Variants in SDF4 observed in about 807,000 individuals in gnomAD.
The protein encoded by SDF4 is stromal cell derived factor 4, also known as 45 kDa calcium-binding protein.
A neutral mutation model predicts 34.2 loss-of-function variants in SDF4; 22 were observed. The observed-to-expected ratio is 0.64, with a 90% CI of 0.46 to 0.92. The LOEUF (loss-of-function observed/expected upper bound fraction) is 0.92, where lower values mean the gene tolerates loss of function less well. Ranked by LOEUF, SDF4 falls within the 40% of genes least tolerant of loss-of-function variation. The pLI, the probability that SDF4 is intolerant of heterozygous loss-of-function variation, is 0.00. For missense variants in SDF4, 447 were observed against 499.9 expected (o/e 0.89, Z 1.01); for synonymous variants, 236 against 203.1 (o/e 1.16, Z -1.38).
At position 1,217,255 on chromosome 1, in the gene SDF4, A is replaced by G. The variant is rs1570472128; in HGVS notation, c.*257T>C. On this transcript the variant is annotated 3_prime_UTR_variant, in exon 7 of 7. Coordinates refer to ENST00000360001, the MANE Select transcript of SDF4 (RefSeq NM_016176.6). The surrounding 1 kb of genome is among the most constrained non-coding windows in gnomAD (Gnocchi z 8.5). ...TCGTTCTCAGAAGTGAGATGCCACG[A>G]TTTCGAGGGACCAGGGAGGAGGCGG... is the stretch of plus-strand genomic sequence containing the variant. The G allele has an allele frequency of 6.5e-5, 12 of 185,026 alleles. No homozygotes were observed. The East Asian group carries it at 1.6e-3, about 24-fold the overall frequency. The allele number at this position is 185,026 out of a possible 1,614,324, so 11.5% of individuals were successfully genotyped here.
intron 2 of SDF4, among the ~76,000 whole-genome samples, chr1:1,226,451 TA>T (rs1448097674): frequency 1.3e-5 from 2 of 152,076 alleles, no homozygotes; most frequent in Admixed American, 1.3e-4. Flanking sequence ...AGGGACAGCC[TA>T]AAACCTCCTA....
chr1:1,219,040 G>A (rs1206228052), intron 4 of SDF4, 113 bp from the exon 5 acceptor site: 1 of 1,601,810 alleles, frequency 6.2e-7, no homozygotes, highest in African/African-American at 1.3e-5. Context: ...CGCGAGACCG[G>A]GGCCCCACCC....
chr1:1,229,078 C>G, intron 1 of SDF4, 132 bp from the exon 2 acceptor site: 1 of 399,508 alleles, frequency 2.5e-6, no homozygotes, highest in Non-Finnish European at 4.4e-6. Context: ...CCAGACCACA[C>G]GTGGCACTGC....
intron 4 of SDF4, among the ~76,000 whole-genome samples, chr1:1,222,384 C>G (rs1470193653): frequency 6.6e-6 from 1 of 152,128 alleles, no homozygotes; most frequent in Non-Finnish European, 1.5e-5. Flanking sequence ...GGGCCCCACC[C>G]GGCCCCACCC....
chr1:1,227,553 T>G (rs1356403849), intron 2 of SDF4, among the ~76,000 whole-genome samples: 1 of 152,130 alleles, frequency 6.6e-6, no homozygotes, highest in Non-Finnish European at 1.5e-5. Context: ...GCCCAGGGTG[T>G]TCTCTCACCT....
chr1:1,217,410 C>T lies in SDF4; in HGVS notation c.*102G>A, dbSNP rs1441985242. The T allele has an allele frequency of 1.2e-5, 13 of 1,051,426 alleles. No homozygotes were observed. Among genetic ancestry groups the T allele is most frequent in the Non-Finnish European group, 1.4e-5 (11 of 814,512 alleles). 65.1% of individuals were successfully genotyped at this position (1,051,426 alleles called of 1,614,324 possible). ...CCGCGGTCGGTCGGCCGGTGGCGGG[C>T]GGCAGGGAAGAGGTGGGGTCCGGGA... is the stretch of plus-strand genomic sequence containing the variant. On this transcript the variant is annotated 3_prime_UTR_variant, in exon 7 of 7. Coordinates refer to ENST00000360001, the MANE Select transcript of SDF4 (RefSeq NM_016176.6). This position sits in a 1 kb window ranked among gnomAD's most constrained non-coding sequence, Gnocchi z 8.5.
In SDF4 at chr1:1,228,502, G is replaced by A. The variant is rs1042907231; in HGVS notation, c.271C>T (p.Arg91Trp). ...GGFDEDAEPR[R>W]SRRKLMVIFS... ...ATGACCATCAGCTTCCTCCGGCTCC[G>A]CCGCGGCTCCGCGTCCTCATCAAAG... Residue 91 changes from arginine to tryptophan, a missense_variant, in exon 2 of 7, where the codon CGG becomes TGG. Transcript: ENST00000360001. 12 of 1,608,966 alleles carry A rather than the reference G, an allele frequency of 7.5e-6. No individual in the cohort carries two copies. Among genetic ancestry groups the A allele is most frequent in the South Asian group, 1.1e-5 (1 of 90,988 alleles).
At chr1:1,220,417 G>A in intron 4 of SDF4, 2 of 1,176,688 alleles carry the variant, frequency 1.7e-6, no homozygotes, top group Non-Finnish European at 2.1e-6. Context: ...GACCCTCGCA[G>A]GAGCCATGCA....
chr1:1,220,416 A>G (rs1649870072), intron 4 of SDF4: 1 of 1,176,650 alleles, frequency 8.5e-7, no homozygotes, highest in Non-Finnish European at 1.1e-6. Flanking sequence ...TGACCCTCGC[A>G]GGAGCCATGC....
intron 2 of SDF4, among the ~76,000 whole-genome samples, chr1:1,225,605 C>T (rs897623653): frequency 9.2e-5 from 14 of 152,190 alleles, no homozygotes; most frequent in African/African-American, 3.1e-4. Flanking sequence ...GACGGGGCCA[C>T]CCGGGTGGCC....
intron 4 of SDF4, chr1:1,219,203 A>AAC (rs1649745419): frequency 8.4e-7 from 1 of 1,185,578 alleles, no homozygotes. Flanking sequence ...GACAGCCTGG[A>AAC]CCCCCCCCTG....
chr1:1,228,586 C>G lies in SDF4; in HGVS notation c.187G>C (p.Asp63His). 1 of 1,613,206 alleles carries G rather than the reference C, an allele frequency of 6.2e-7. No individual in the cohort carries two copies. Among genetic ancestry groups the G allele is most frequent in the Non-Finnish European group, 8.5e-7 (1 of 1,180,006 alleles). ...TGGAAGCCGCGATTGAGGTGCCCGT[C>G]CATCTCCAGCTTCACCCCGTTCAGG... is the stretch of plus-strand genomic sequence containing the variant. ...DHLNGVKLEMDGHLNRGFHQE... is the reference protein window; with the variant it reads ...DHLNGVKLEMHGHLNRGFHQE... The change falls in exon 2 of 7, where the codon GAC becomes CAC. Residue 63 changes from aspartate to histidine, a missense_variant. Asp to His is a moderately conservative substitution (Grantham distance 81). Transcript: ENST00000360001.
chr1:1,217,122 T>C lies in SDF4; in HGVS notation c.*390A>G, dbSNP rs1379787138. 6.6e-6 allele frequency: 1 copy of C among 152,622 alleles called. No individual in the cohort carries two copies. The highest frequency in any genetic ancestry group is 1.5e-5 in the Non-Finnish European group (1 of 68,418). The allele number at this position is 152,622 out of a possible 1,614,324, so 9.5% of individuals were successfully genotyped here. ...AATAATCGTTCAGTTTTCAAGGAAA[T>C]GGAGGAGCTGTTTTTTCCCACGGAG... On this transcript the variant is annotated 3_prime_UTR_variant, in exon 7 of 7. Coordinates refer to ENST00000360001, the MANE Select transcript of SDF4 (RefSeq NM_016176.6). This position sits in a 1 kb window ranked among gnomAD's most constrained non-coding sequence, Gnocchi z 8.5.
At chr1:1,219,608 C>T (rs903344042) in intron 4 of SDF4, 170 of 987,200 alleles carry the variant, frequency 1.7e-4, no homozygotes, top group Non-Finnish European at 1.9e-4. Context: ...AGCCGGGACA[C>T]GGCACTGCCT....
At chr1:1,220,426 C>A in intron 4 of SDF4, 1 of 1,181,054 alleles carries the variant, frequency 8.5e-7, no homozygotes, top group Non-Finnish European at 1.1e-6. Context: ...AGGAGCCATG[C>A]AGGGAGGGGT....
chr1:1,229,671 C>G (rs12092258), intron 1 of SDF4, among the ~76,000 whole-genome samples: 1 of 152,246 alleles, frequency 6.6e-6, no homozygotes, highest in Non-Finnish European at 1.5e-5. Context: ...CATCATGCCA[C>G]TGACCCATGG....
At chr1:1,229,801 C>A (rs530058317) in intron 1 of SDF4, among the ~76,000 whole-genome samples, 5 of 152,226 alleles carry the variant, frequency 3.3e-5, no homozygotes, top group African/African-American at 1.2e-4. Flanking sequence ...CCCCTCTCCC[C>A]CCGACTGACC....
At chr1:1,223,445 G>T in intron 3 of SDF4, 88 bp from the exon 4 acceptor site, 1 of 979,584 alleles carries the variant, frequency 1.0e-6, no homozygotes, top group Non-Finnish European at 1.5e-6. Context: ...CTGCTGCCCA[G>T]GCTGGAAGCG....
chr1:1,218,324 C>T lies in SDF4; in HGVS notation c.891+134G>A, dbSNP rs139850216. ...CTGGTGGACACCGCTGAGCAAACGC[C>T]CCAGTGACCAGCCCAGATGGAGTCT... On this transcript the variant is annotated intron_variant, in intron 6 of 6. Transcript: ENST00000360001. This position sits in a 1 kb window ranked among gnomAD's most constrained non-coding sequence, Gnocchi z 7.9. The T allele has an allele frequency of 1.4e-4, 135 of 961,912 alleles. No individual in the cohort carries two copies. In the East Asian group the frequency reaches 3.5e-3, roughly 25 times the overall value. 59.6% of individuals were successfully genotyped at this position (961,912 alleles called of 1,614,324 possible).
Sources: allele counts gnomAD v4.1 joint callset (sites outside exome capture counted in the v4.1 genomes callset), GRCh38; gene constraint gnomAD v4.1.1; non-coding constraint Gnocchi (gnomAD v3.1); transcripts MANE v1.5; gene names NCBI Gene and HGNC (gene_info 2026-07-23, HGNC 2026-07-21).